The following FN3KRP variants were observed in gnomAD, a reference collection of about 807,000 sequenced individuals.
FN3KRP encodes the protein fructosamine 3 kinase related protein, also known as ketosamine-3-kinase.
In FN3KRP, 33 loss-of-function variants were observed where a neutral mutation model predicts 29.8. That is an observed-to-expected ratio of 1.11 (90% CI 0.84 to 1.48). The LOEUF is 1.48. FN3KRP is among the 40% of genes most tolerant of loss of function. The pLI is 0.00. For missense variants in FN3KRP, 430 were observed against 402.6 expected (o/e 1.07, Z -0.58); for synonymous variants, 157 against 155.2 (o/e 1.01, Z -0.09).
At chr17:82,717,626 G>C (rs2046767112) in intron 1 of FN3KRP, among the ~76,000 whole-genome samples, 1 of 152,220 alleles carries the variant, frequency 6.6e-6, no homozygotes, top group Non-Finnish European at 1.5e-5. Flanking sequence ...GGCTGAGGCA[G>C]AAGAATCGCT....
intron 3 of FN3KRP, 130 bp from the exon 4 acceptor site, chr17:82,722,671 GCCC>G: frequency 2.7e-6 from 2 of 729,666 alleles, no homozygotes; most frequent in South Asian, 3.6e-5. Context: ...GGAGACCCAG[GCCC>G]TGTTTGTCTC....
intron 1 of FN3KRP, 38 bp downstream of exon 1, chr17:82,716,934 C>A: frequency 6.4e-7 from 1 of 1,555,512 alleles, no homozygotes; most frequent in Non-Finnish European, 8.6e-7. Context: ...GGACCGGTTT[C>A]TTTCCGGAGA....
chr17:82,720,561 G>A (rs2046791850), intron 3 of FN3KRP, among the ~76,000 whole-genome samples, 198 bp downstream of exon 3: 1 of 152,228 alleles, frequency 6.6e-6, no homozygotes, highest in Admixed American at 6.5e-5. Flanking sequence ...TGTCCTAAAT[G>A]CATTTGAAAG....
intron 4 of FN3KRP, among the ~76,000 whole-genome samples, chr17:82,723,726 C>T (rs973623036): frequency 2.0e-5 from 3 of 152,050 alleles, no homozygotes; most frequent in Non-Finnish European, 4.4e-5. Context: ...ATGATGTTGG[C>T]GTCGTGTGCT....
intron 1 of FN3KRP, among the ~76,000 whole-genome samples, chr17:82,717,877 G>T (rs2046769115): frequency 1.3e-5 from 2 of 152,116 alleles, no homozygotes; most frequent in African/African-American, 4.8e-5. Flanking sequence ...TATGTTGTGT[G>T]TGTGTACGTT....
At chr17:82,723,650 T>G (rs1454342344) in intron 4 of FN3KRP, among the ~76,000 whole-genome samples, 1 of 151,900 alleles carries the variant, frequency 6.6e-6, no homozygotes, top group Non-Finnish European at 1.5e-5. Context: ...TGTGTGCATG[T>G]GTGTACGCGT....
At chr17:82,719,403 C>T (rs535178407) in intron 2 of FN3KRP, among the ~76,000 whole-genome samples, 3 of 152,390 alleles carry the variant, frequency 2.0e-5, no homozygotes, top group Middle Eastern at 3.4e-3. Flanking sequence ...ACGGCAGGCA[C>T]TCTCTGCAAC....
chr17:82,726,329 G>A (rs2046836559), intron 4 of FN3KRP, 151 bp from the exon 5 acceptor site: 2 of 883,208 alleles, frequency 2.3e-6, no homozygotes, highest in Non-Finnish European at 1.8e-6. Context: ...TTCCTCCTGG[G>A]ATGTGGTTCC....
In FN3KRP at chr17:82,716,793, C is replaced by T. The variant is rs772023434; in HGVS notation, c.38C>T (p.Ser13Phe). 7.1e-6 allele frequency: 11 copies of T among 1,545,488 alleles called. No individual in the cohort carries two copies. The highest frequency in any genetic ancestry group is 4.3e-5 in the Admixed American group (2 of 46,192). ...ELLRRELGCSSVRATGHSGGG... is the reference protein window; with the variant it reads ...ELLRRELGCSFVRATGHSGGG... ...CTGAGGCGCGAGCTGGGCTGCAGCT[C>T]TGTCAGGGCCACGGGCCACTCGGGG... is the stretch of plus-strand genomic sequence containing the variant. Residue 13 changes from serine (S) to phenylalanine (F), a missense_variant, in exon 1 of 6, where the codon TCT becomes TTT. Ser to Phe is a radical substitution (Grantham distance 155, BLOSUM62 -2). Transcript: ENST00000269373.
At chr17:82,724,098 GC>G (rs2046820544) in intron 4 of FN3KRP, among the ~76,000 whole-genome samples, 5 of 151,312 alleles carry the variant, frequency 3.3e-5, no homozygotes, top group Admixed American at 3.3e-4. Flanking sequence ...TTCGAGACCA[GC>G]CTGGCCAACA....
chr17:82,720,427 CAG>C (rs1380357449), intron 3 of FN3KRP, 64 bp downstream of exon 3: 58 of 1,362,842 alleles, frequency 4.3e-5, no homozygotes, highest in Middle Eastern at 5.0e-4. Flanking sequence ...GGTGTGGGCT[CAG>C]AGCGGGGGCC....
At chr17:82,726,410 TGTGG>T (rs2046837282) in intron 4 of FN3KRP, 66 bp from the exon 5 acceptor site, 8 of 1,560,222 alleles carry the variant, frequency 5.1e-6, no homozygotes, top group Non-Finnish European at 7.0e-6. Flanking sequence ...TTGAGATGCT[TGTGG>T]GTAGCTGAGC....
chr17:82,725,873 G>C (rs904867430), intron 4 of FN3KRP, among the ~76,000 whole-genome samples: 2 of 152,146 alleles, frequency 1.3e-5, no homozygotes, highest in African/African-American at 4.8e-5. Context: ...ACAAAACAAC[G>C]TAAAGAAAGT....
intron 1 of FN3KRP, among the ~76,000 whole-genome samples, chr17:82,718,080 C>T (rs564298877): frequency 2.4e-4 from 35 of 145,332 alleles, no homozygotes; most frequent in African/African-American, 9.0e-4. Context: ...GTGTGTGTGT[C>T]TGTGTGTTGT....
chr17:82,725,011 C>T (rs1050654314), intron 4 of FN3KRP, among the ~76,000 whole-genome samples: 2 of 151,544 alleles, frequency 1.3e-5, no homozygotes, highest in African/African-American at 4.9e-5. Context: ...TGGGGTTCCA[C>T]CGTGTTAGCC....
Position 82,722,804 on chromosome 17 carries a change from G to T in FN3KRP, c.386G>T (p.Gly129Val). 6.2e-7 allele frequency: 1 copy of T among 1,613,856 alleles called. No homozygotes were observed. The highest frequency in any genetic ancestry group is 8.5e-7 in the Non-Finnish European group (1 of 1,179,972). ...CCTTTCTTTTACTTTTGCTTGCAAGGGAGAGGAGGTGGGCAGGAGGAACGG... is the reference window on the plus strand; with the variant it reads ...CCTTTCTTTTACTTTTGCTTGCAAGTGAGAGGAGGTGGGCAGGAGGAACGG... ...EMRLKEAGTV[G>V]RGGGQEERPF... is the part of the protein sequence containing the mutation. The change falls in exon 4 of 6, where the codon GGG becomes GTG. Residue 129 changes from glycine (G) to valine (V), a missense_variant and splice_region_variant. By Grantham distance (109) the Gly-to-Val change is moderately radical. Transcript: ENST00000269373.
At position 82,727,194 on chromosome 17, in the gene FN3KRP, G is replaced by A; in HGVS notation, c.*23G>A. 1.3e-6 allele frequency: 2 copies of A among 1,599,624 alleles called. No individual in the cohort carries two copies. Among genetic ancestry groups the A allele is most frequent in the Non-Finnish European group, 1.7e-6 (2 of 1,170,780 alleles). Reference sequence around the variant, plus strand: ...TGAGCGGGCCTTACTCTGGAAGGAGGCCTCAGAGGTTTCTCCACAGTCCTC... The same window carrying A: ...TGAGCGGGCCTTACTCTGGAAGGAGACCTCAGAGGTTTCTCCACAGTCCTC... On this transcript the variant is annotated 3_prime_UTR_variant, in exon 6 of 6. Transcript: ENST00000269373.
chr17:82,724,535 C>CA (rs976305493), intron 4 of FN3KRP, among the ~76,000 whole-genome samples: 1 of 150,970 alleles, frequency 6.6e-6, no homozygotes, highest in Non-Finnish European at 1.5e-5. Context: ...ACCCGGGAGA[C>CA]AGAGATTGCA....
In FN3KRP at chr17:82,716,822, G is replaced by T; in HGVS notation, c.67G>T (p.Gly23Trp). The change falls in exon 1 of 6, where the codon GGG (glycine) becomes TGG (tryptophan). Residue 23 changes from glycine to tryptophan, a missense_variant. Physicochemically the swap from Gly to Trp is radical, Grantham distance 184. Coordinates refer to ENST00000269373, the MANE Select transcript of FN3KRP (RefSeq NM_024619.4). Reference protein sequence around the residue: ...SVRATGHSGGGCISQGRSYDT... With the variant: ...SVRATGHSGGWCISQGRSYDT... ...CAGGGCCACGGGCCACTCGGGGGGCGGGTGCATCAGCCAGGGCCGGAGCTA... is the reference window on the plus strand; with the variant it reads ...CAGGGCCACGGGCCACTCGGGGGGCTGGTGCATCAGCCAGGGCCGGAGCTA... The T allele has an allele frequency of 6.4e-7, 1 of 1,555,538 alleles. No individual in the cohort carries two copies. Among genetic ancestry groups the T allele is most frequent in the Non-Finnish European group, 8.6e-7 (1 of 1,156,510 alleles).
Sources: allele counts gnomAD v4.1 joint callset (sites outside exome capture counted in the v4.1 genomes callset), GRCh38; gene constraint gnomAD v4.1.1; transcripts MANE v1.5; gene names NCBI Gene and HGNC (gene_info 2026-07-23, HGNC 2026-07-21).